The following ARHGEF3 variants were observed in gnomAD, a reference collection of about 807,000 sequenced individuals.
ARHGEF3 encodes the protein Rho guanine nucleotide exchange factor 3, also known as 59.8 kDA protein.
Under a neutral mutation model 63.2 loss-of-function variants are expected in ARHGEF3, and 28 were observed. The ratio of observed to expected loss-of-function variants is 0.44; its 90% CI spans 0.33 to 0.61. The LOEUF is 0.61. Among genes scored for constraint, ARHGEF3 ranks in the 20% least tolerant of loss-of-function variants. ARHGEF3 has a pLI of 0.03. For synonymous variants in ARHGEF3, 266 were observed against 254.2 expected, an observed-to-expected ratio of 1.05 and a Z score of -0.44; for missense variants, 533 against 659.3, an observed-to-expected ratio of 0.81 and a Z score of 2.10.
At chr3:56,931,367 A>G (rs972757659) in intron 3 of ARHGEF3, among the ~76,000 whole-genome samples, 4 of 152,010 alleles carry the variant, frequency 2.6e-5, no homozygotes, top group African/African-American at 9.7e-5. Context: ...CTTAAGCCCA[A>G]GAGTTCAAGA....
In ARHGEF3 at chr3:57,003,401, CAAAA is replaced by C. The variant is rs60214570; in HGVS notation, c.62+31683_62+31686del. Among the ~76,000 whole-genome samples, 7 of 43,732 alleles carry C rather than the reference CAAAA, an allele frequency of 1.6e-4. No homozygotes were observed. In the South Asian group the frequency reaches 6.3e-3, roughly 40 times the overall value. The allele number at this position is 43,732 out of a possible 152,430, so 28.7% of individuals were successfully genotyped here. On this transcript the variant is annotated intron_variant, in intron 2 of 12. Coordinates refer to the ARHGEF3 transcript ENST00000338458. ...CTGGCAACGAAGCGAGACGCCGTCT[CAAAA>C]AAAAAAAAAAAAAAAAAAAAAAGTT...
intron 4 of ARHGEF3, among the ~76,000 whole-genome samples, chr3:56,873,133 G>A (rs528705167): frequency 2.6e-5 from 4 of 151,874 alleles, no homozygotes; most frequent in African/African-American, 9.7e-5. Flanking sequence ...CAAGTAGCTA[G>A]GACTACAGGT....
At chr3:56,973,218 C>T (rs936428548) in intron 2 of ARHGEF3, among the ~76,000 whole-genome samples, 4 of 151,992 alleles carry the variant, frequency 2.6e-5, no homozygotes, top group African/African-American at 9.7e-5. Context: ...GGGGTTTCAC[C>T]GTGTTAGCCA....
chr3:57,016,442 G>A (rs936559134), intron 2 of ARHGEF3, among the ~76,000 whole-genome samples: 4 of 151,836 alleles, frequency 2.6e-5, no homozygotes, highest in East Asian at 1.9e-4. Flanking sequence ...TCAGCTACTC[G>A]GGAGGCTGAG....
At chr3:56,868,424 G>A (rs945312366) in intron 4 of ARHGEF3, among the ~76,000 whole-genome samples, 7 of 150,700 alleles carry the variant, frequency 4.6e-5, no homozygotes, top group Admixed American at 6.6e-5. Flanking sequence ...AGTGTGGTGC[G>A]ATCTTGGCTC....
chr3:56,920,019 T>A (rs892305538), intron 3 of ARHGEF3, among the ~76,000 whole-genome samples: 1 of 152,152 alleles, frequency 6.6e-6, no homozygotes, highest in Non-Finnish European at 1.5e-5. Context: ...TCGCTAACAA[T>A]GGGACAATTC....
intron 2 of ARHGEF3, among the ~76,000 whole-genome samples, chr3:56,986,561 T>C (rs1354022743): frequency 1.3e-5 from 2 of 151,588 alleles, no homozygotes; most frequent in Admixed American, 6.6e-5. Context: ...GACGGTGCAG[T>C]TGGGAGTAAG....
intron 2 of ARHGEF3, among the ~76,000 whole-genome samples, chr3:56,997,208 C>A (rs1211217975): frequency 6.6e-6 from 1 of 152,138 alleles, no homozygotes; most frequent in East Asian, 1.9e-4. Context: ...CCAGGGCCAT[C>A]TTCTCTGACA....
Position 56,801,909 on chromosome 3 carries a change from C to G in ARHGEF3, c.-111G>C. 1 of 1,515,120 alleles carries G rather than the reference C, an allele frequency of 6.6e-7. No individual in the cohort carries two copies. Among genetic ancestry groups the G allele is most frequent in the Non-Finnish European group, 8.9e-7 (1 of 1,127,632 alleles). 93.9% of individuals were successfully genotyped at this position (1,515,120 alleles called of 1,614,324 possible). A position where few individuals can be genotyped will look rare whatever the true frequency, so the allele number is the denominator to read the frequency against. ...ACGATGCCGGGCGGCGGCGGCGACA[C>G]GGAGACCGACAGCCGGCTTCTAGCC... On this transcript the variant is annotated 5_prime_UTR_variant, in exon 1 of 10. Coordinates refer to ENST00000296315, the MANE Select transcript of ARHGEF3 (RefSeq NM_019555.3).
intron 4 of ARHGEF3, among the ~76,000 whole-genome samples, chr3:56,807,926 C>T (rs1286245005): frequency 6.6e-6 from 1 of 152,016 alleles, no homozygotes; most frequent in Admixed American, 6.5e-5. Context: ...GAGTTCAAGA[C>T]CAGCCTGACC....
intron 1 of ARHGEF3, among the ~76,000 whole-genome samples, chr3:56,790,676 G>T (rs1378260230): frequency 4.6e-5 from 7 of 152,192 alleles, no homozygotes. Context: ...TTGCGATTAT[G>T]AAATGTTAGT....
At chr3:56,877,942 G>A (rs551440381) in intron 4 of ARHGEF3, among the ~76,000 whole-genome samples, 1 of 152,082 alleles carries the variant, frequency 6.6e-6, no homozygotes, top group Non-Finnish European at 1.5e-5. Context: ...AAAATTAAAG[G>A]TTTGTATATA....
intron 2 of ARHGEF3, among the ~76,000 whole-genome samples, chr3:57,009,173 C>A (rs999500239): frequency 1.3e-5 from 2 of 152,238 alleles, no homozygotes; most frequent in East Asian, 3.9e-4. Flanking sequence ...TCCTCCCCAC[C>A]CCTGCCCTTT....
At chr3:56,768,926 G>C (rs992175403) in intron 2 of ARHGEF3, among the ~76,000 whole-genome samples, 2 of 152,224 alleles carry the variant, frequency 1.3e-5, no homozygotes, top group Non-Finnish European at 2.9e-5. Flanking sequence ...CACCCAGACA[G>C]AGATAAGGCT....
intron 3 of ARHGEF3, among the ~76,000 whole-genome samples, chr3:56,906,558 A>C (rs1214672222): frequency 6.6e-6 from 1 of 152,218 alleles, no homozygotes; most frequent in East Asian, 1.9e-4. Flanking sequence ...TATTTGGGCC[A>C]GGTGTGGTGG....
chr3:56,764,405 G>A (rs2035586093), intron 2 of ARHGEF3, among the ~76,000 whole-genome samples: 1 of 152,144 alleles, frequency 6.6e-6, no homozygotes, highest in Non-Finnish European at 1.5e-5. Flanking sequence ...GAGGTGGGAT[G>A]CTCCAACTCA....
At chr3:57,072,054 C>G (rs1348188282) in intron 1 of ARHGEF3, among the ~76,000 whole-genome samples, 1 of 152,148 alleles carries the variant, frequency 6.6e-6, no homozygotes, top group Non-Finnish European at 1.5e-5. Flanking sequence ...AAATGCAAAT[C>G]AAAGTCACAA....
chr3:57,059,499 T>C, intron 1 of ARHGEF3, among the ~76,000 whole-genome samples: 1 of 92,824 alleles, frequency 1.1e-5, no homozygotes, highest in South Asian at 4.3e-4. Flanking sequence ...CCCGTGTGTG[T>C]ATGAGTTGGG....
chr3:56,999,116 C>T (rs1702095644), intron 2 of ARHGEF3, among the ~76,000 whole-genome samples: 1 of 151,120 alleles, frequency 6.6e-6, no homozygotes, highest in South Asian at 2.1e-4. Context: ...GTGGTGTGAT[C>T]TCGGCTCACT....
Sources: allele counts gnomAD v4.1 joint callset (sites outside exome capture counted in the v4.1 genomes callset), GRCh38; gene constraint gnomAD v4.1.1; transcripts MANE v1.5; gene names NCBI Gene and HGNC (gene_info 2026-07-23, HGNC 2026-07-21).